ADD2: variants seen among roughly 807,000 people sequenced by gnomAD.
The protein encoded by ADD2 is adducin 2, also known as beta-adducin.
In ADD2, 23 loss-of-function variants were observed where a neutral mutation model predicts 83.0. The observed-to-expected ratio is 0.28, with a 90% CI of 0.20 to 0.39. The LOEUF is 0.39. Among genes scored for constraint, ADD2 ranks in the 10% least tolerant of loss-of-function variants. The pLI is 1.00. For synonymous variants in ADD2, 375 were observed against 375.4 expected, an observed-to-expected ratio of 1.00 and a Z score of 0.01; for missense variants, 758 against 944.9, an observed-to-expected ratio of 0.80 and a Z score of 2.59.
rs1174449324 is a variant in ADD2, at chr2:70,736,806, C to A, written c.-153-23622G>T. Among the ~76,000 whole-genome samples, 7 of 150,028 alleles carry A rather than the reference C, an allele frequency of 4.7e-5. No homozygotes were observed. In the East Asian group the frequency reaches 1.4e-3, roughly 29 times the overall value. ...TTTTTTTTTAAGTTGAATGAATGCT[C>A]GAATAATATGAGCTTGGAGGTAAGC... is the stretch of plus-strand genomic sequence containing the variant. On this transcript the variant is annotated intron_variant, in intron 1 of 15. Transcript: ENST00000264436.
intron 8 of ADD2, 129 bp downstream of exon 8, chr2:70,690,657 G>T: frequency 9.2e-7 from 1 of 1,090,144 alleles, no homozygotes; most frequent in Non-Finnish European, 1.3e-6. Flanking sequence ...CAGGGTAGTG[G>T]GATAGAGATC....
At chr2:70,664,871 G>A (rs569708561) in intron 15 of ADD2, among the ~76,000 whole-genome samples, 14 of 152,204 alleles carry the variant, frequency 9.2e-5, no homozygotes, top group African/African-American at 2.9e-4. Flanking sequence ...GAGCATGTGC[G>A]AACCAGTGTG....
chr2:70,666,585 G>A (rs1341312515), intron 15 of ADD2, among the ~76,000 whole-genome samples: 1 of 152,240 alleles, frequency 6.6e-6, no homozygotes, highest in African/African-American at 2.4e-5. Context: ...GCTCCGTGAA[G>A]ACAACTATGG....
At chr2:70,749,423 A>G (rs782723086) in intron 1 of ADD2, among the ~76,000 whole-genome samples, 2 of 152,154 alleles carry the variant, frequency 1.3e-5, no homozygotes, top group Non-Finnish European at 2.9e-5. Flanking sequence ...GTTAGGACAA[A>G]TGTTTAACAA....
rs1553374425 is a variant in ADD2 at position 70,706,311 on chromosome 2, C to T, written c.98G>A (p.Arg33His). The T allele has an allele frequency of 6.2e-7, 1 of 1,614,090 alleles. No individual in the cohort carries two copies. The highest frequency in any genetic ancestry group is 8.5e-7 in the Non-Finnish European group (1 of 1,180,006). The stretch of plus-strand genomic sequence containing the variant: ...CAGGTCCGCCGCCCGGTTGCGAAGG[C>T]GCATGTACTCGGGGTCGTCCTCTGA... ...RFSEDDPEYM[R>H]LRNRAADLRQ... The change falls in exon 3 of 16, where the codon CGC becomes CAC. Residue 33 changes from arginine to histidine, a missense_variant. Coordinates refer to ENST00000264436, the MANE Select transcript of ADD2 (RefSeq NM_001617.4). The surrounding 1 kb of genome is among the most constrained non-coding windows in gnomAD (Gnocchi z 5.0).
intron 1 of ADD2, among the ~76,000 whole-genome samples, chr2:70,718,104 A>G (rs1051679596): frequency 1.3e-5 from 2 of 152,312 alleles, no homozygotes; most frequent in African/African-American, 4.8e-5. Flanking sequence ...AGTGAAGTCC[A>G]GTGAATTTTA....
intron 1 of ADD2, among the ~76,000 whole-genome samples, chr2:70,753,333 G>A (rs1461470106): frequency 1.3e-5 from 2 of 152,090 alleles, no homozygotes; most frequent in Non-Finnish European, 2.9e-5. Context: ...TGCCATAAAA[G>A]AGGACAAGTA....
chr2:70,741,572 A>T (rs78165180), intron 1 of ADD2, among the ~76,000 whole-genome samples: 1 of 152,342 alleles, frequency 6.6e-6, no homozygotes, highest in Non-Finnish European at 1.5e-5. Context: ...ACCACATTCC[A>T]GGTCAGCATT....
chr2:70,696,201 G>A (rs1671301264), intron 5 of ADD2, 44 bp downstream of exon 5: 1 of 1,590,642 alleles, frequency 6.3e-7, no homozygotes, highest in Admixed American at 1.7e-5. Flanking sequence ...GGTTTTGTGG[G>A]ACCACATGCA....
intron 9 of ADD2, among the ~76,000 whole-genome samples, chr2:70,686,682 G>C (rs1670742440): frequency 6.6e-6 from 1 of 151,938 alleles, no homozygotes; most frequent in Non-Finnish European, 1.5e-5. Context: ...TATCCCAGAG[G>C]CTCCACCAGA....
At chr2:70,703,320 G>A (rs1372212500) in intron 4 of ADD2, among the ~76,000 whole-genome samples, 7 of 152,062 alleles carry the variant, frequency 4.6e-5, no homozygotes, top group Non-Finnish European at 8.8e-5. Context: ...TCAAACAAAT[G>A]CACATTAAAA....
At chr2:70,749,203 T>C (rs1674384062) in intron 1 of ADD2, among the ~76,000 whole-genome samples, 1 of 151,952 alleles carries the variant, frequency 6.6e-6, no homozygotes, top group Admixed American at 6.6e-5. Context: ...CCATTAGATC[T>C]CATGAGAACT....
At chr2:70,675,319 A>C in intron 13 of ADD2, 8 of 987,372 alleles carry the variant, frequency 8.1e-6, no homozygotes, top group Non-Finnish European at 9.6e-6. Flanking sequence ...CAGCAGCTTC[A>C]GTGCTCTCAG....
chr2:70,737,771 T>C (rs1185177694), intron 1 of ADD2, among the ~76,000 whole-genome samples: 2 of 152,150 alleles, frequency 1.3e-5, no homozygotes, highest in African/African-American at 4.8e-5. Flanking sequence ...TTTTGAAACA[T>C]TCAATTCATC....
chr2:70,677,970 T>C, intron 11 of ADD2, 93 bp from the exon 12 acceptor site: 2 of 1,537,170 alleles, frequency 1.3e-6, no homozygotes, highest in Admixed American at 1.8e-5. Context: ...CCCAACATCC[T>C]GCATGGAAGG....
chr2:70,674,988 T>A (rs59701970), intron 13 of ADD2, 163 bp from the exon 14 acceptor site: 171,276 of 1,335,204 alleles, frequency 0.13, 11,854 homozygotes, highest in African/African-American at 0.23. Flanking sequence ...GGGATTGTTC[T>A]TTCCTCCCCA....
Position 70,747,570 on chromosome 2 carries a change from C to T in ADD2, c.-154+20316G>A, listed in dbSNP as rs530234827. On this transcript the variant is annotated intron_variant, in intron 1 of 15. Coordinates refer to ENST00000264436, the MANE Select transcript of ADD2 (RefSeq NM_001617.4). ...CCATCATGCCACAGGCTCTATCATGCCACATGCTCTCCCATCATGCTATAT... is the reference window on the plus strand; with the variant it reads ...CCATCATGCCACAGGCTCTATCATGTCACATGCTCTCCCATCATGCTATAT... 4.3e-4 allele frequency among the ~76,000 whole-genome samples: 65 copies of T among 151,910 alleles called. No individual in the cohort carries two copies. The Middle Eastern group carries it at 0.014, about 32-fold the overall frequency.
intron 1 of ADD2, among the ~76,000 whole-genome samples, chr2:70,728,603 C>T (rs1553378737): frequency 6.6e-6 from 1 of 152,208 alleles, no homozygotes. Flanking sequence ...ACATTAAATG[C>T]TCTAGAAAAA....
intron 1 of ADD2, among the ~76,000 whole-genome samples, chr2:70,734,532 TC>T (rs1673430154): frequency 6.6e-6 from 1 of 151,972 alleles, no homozygotes; most frequent in African/African-American, 2.4e-5. Context: ...AGCACATTGG[TC>T]TGGAAGGAGG....
Sources: gnomAD v4.1 joint callset for allele counts (sites outside exome capture counted in the v4.1 genomes callset) on GRCh38, gnomAD v4.1.1 for gene constraint, Gnocchi (gnomAD v3.1) non-coding constraint, MANE v1.5 for transcripts, NCBI Gene and HGNC (gene_info 2026-07-23, HGNC 2026-07-21) for gene names.